Variants in RALB observed in about 807,000 individuals in gnomAD.
RALB encodes ras-related protein Ral-B.
RALB carries 16 observed loss-of-function variants against 21.3 expected under a neutral mutation model. The observed-to-expected ratio is 0.75, with a 90% CI of 0.51 to 1.14. The LOEUF (loss-of-function observed/expected upper bound fraction) is 1.14, where lower values mean the gene tolerates loss of function less well. Ranked by LOEUF, RALB falls within the 50% of genes most tolerant of loss-of-function variation. The pLI is 0.00. For missense variants in RALB, 161 were observed against 256.2 expected (o/e 0.63, Z 2.54); for synonymous variants, 93 against 96.1 (o/e 0.97, Z 0.19).
chr2:120,242,416 A>G (rs1243534991), intron 1 of RALB, among the ~76,000 whole-genome samples: 1 of 152,214 alleles, frequency 6.6e-6, no homozygotes, highest in African/African-American at 2.4e-5. Flanking sequence ...ATTTTACCAC[A>G]ATTAAAAATA....
At chr2:120,244,146 CT>C (rs1260688059) in intron 1 of RALB, among the ~76,000 whole-genome samples, 1 of 152,208 alleles carries the variant, frequency 6.6e-6, no homozygotes, top group Non-Finnish European at 1.5e-5. Context: ...TGAAAACTCA[CT>C]ATCATGAGAA....
At chr2:120,289,321 T>C (rs1210102197) in intron 3 of RALB, among the ~76,000 whole-genome samples, 1 of 152,054 alleles carries the variant, frequency 6.6e-6, no homozygotes, top group East Asian at 1.9e-4. Context: ...GACACTTCTG[T>C]AAGACTGAGC....
At chr2:120,252,040 G>T (rs961851891), upstream of RALB, among the ~76,000 whole-genome samples, 2 of 152,156 alleles carry the variant, frequency 1.3e-5, no homozygotes, top group African/African-American at 4.8e-5. Context: ...CCCTCCCTTA[G>T]AGATAAGAGG....
intron 1 of RALB, among the ~76,000 whole-genome samples, chr2:120,242,794 G>A (rs1000113281): frequency 2.4e-4 from 37 of 152,020 alleles, no homozygotes; most frequent in African/African-American, 7.7e-4. Flanking sequence ...AAAATAAAGT[G>A]GCCTGGTGTA....
At chr2:120,247,871 T>C (rs371650541), upstream of RALB, among the ~76,000 whole-genome samples, 172 of 152,336 alleles carry the variant, frequency 1.1e-3, no homozygotes, top group African/African-American at 3.9e-3. Flanking sequence ...TTAAAGATCT[T>C]AGGTCCTCCT....
chr2:120,278,569 C>T, intron 1 of RALB, 49 bp from the exon 2 acceptor site: 1 of 1,374,476 alleles, frequency 7.3e-7, no homozygotes, highest in South Asian at 1.6e-5. Context: ...TTGGTTTTAG[C>T]TAGGTTGAAA....
intron 1 of RALB, among the ~76,000 whole-genome samples, chr2:120,271,518 C>G (rs910066341): frequency 7.9e-5 from 12 of 152,196 alleles, no homozygotes; most frequent in African/African-American, 2.9e-4. Flanking sequence ...CCTGTTTTCT[C>G]TAGAATCAAA....
intron 3 of RALB, among the ~76,000 whole-genome samples, chr2:120,289,324 G>C (rs1224484358): frequency 6.6e-6 from 1 of 151,192 alleles, no homozygotes; most frequent in Non-Finnish European, 1.5e-5. Context: ...ACTTCTGTAA[G>C]ACTGAGCCCA....
At chr2:120,247,545 G>A (rs183923128) in intron 1 of RALB, among the ~76,000 whole-genome samples, 4 of 152,190 alleles carry the variant, frequency 2.6e-5, no homozygotes, top group Non-Finnish European at 4.4e-5. Flanking sequence ...TTAGGGAAAA[G>A]TGGTTTTTAA....
At chr2:120,278,425 C>A (rs562233144) in intron 1 of RALB, among the ~76,000 whole-genome samples, 193 bp from the exon 2 acceptor site, 128 of 152,312 alleles carry the variant, frequency 8.4e-4, no homozygotes, top group Non-Finnish European at 2.5e-4. Flanking sequence ...GCCTTGGCTT[C>A]GCCCCAGCTG....
At chr2:120,281,642 T>C (rs1346771110) in intron 2 of RALB, among the ~76,000 whole-genome samples, 1 of 152,062 alleles carries the variant, frequency 6.6e-6, no homozygotes, top group African/African-American at 2.4e-5. Flanking sequence ...TTCTGGGGGG[T>C]CAAACTGGAT....
rs542781199 is a variant in RALB, at chr2:120,278,473, C to T, written c.-47-145C>T. On this transcript the variant is annotated intron_variant, in intron 1 of 4. Transcript: ENST00000272519. Reference sequence around the variant, plus strand: ...TGACTTCCAGAGTTGTTGGAGGGCTCGCATGTCTGCCCTGAGCCTGAAAGG... The same window carrying T: ...TGACTTCCAGAGTTGTTGGAGGGCTTGCATGTCTGCCCTGAGCCTGAAAGG... 1.6e-5 allele frequency: 12 copies of T among 751,308 alleles called. No individual in the cohort carries two copies. In the South Asian group the frequency reaches 2.9e-4, roughly 18 times the overall value. 46.5% of individuals were successfully genotyped at this position (751,308 alleles called of 1,614,324 possible).
chr2:120,258,808 C>T (rs538423489), intron 1 of RALB, among the ~76,000 whole-genome samples: 16 of 152,324 alleles, frequency 1.1e-4, no homozygotes, highest in South Asian at 2.1e-4. Flanking sequence ...CGGATACTAG[C>T]GTGTCCGGAA....
intron 1 of RALB, among the ~76,000 whole-genome samples, chr2:120,258,663 C>T (rs1049180957): frequency 6.6e-6 from 1 of 152,020 alleles, no homozygotes; most frequent in African/African-American, 2.4e-5. Flanking sequence ...TGAATGGTGG[C>T]AGAGAAGATG....
Position 120,269,398 on chromosome 2 carries a change from G to A in RALB, c.-47-9220G>A, listed in dbSNP as rs190105923. The stretch of plus-strand genomic sequence containing the variant: ...AGTGAAAGAACAAAGCTTCCACAGC[G>A]TGGAAGGTGACCTGAGCAGGTTGCT... On this transcript the variant is annotated intron_variant, in intron 1 of 4. Coordinates refer to ENST00000272519, the MANE Select transcript of RALB (RefSeq NM_002881.3). Among the ~76,000 whole-genome samples, 25 of 152,290 alleles carry A rather than the reference G, an allele frequency of 1.6e-4. No individual in the cohort carries two copies. In the East Asian group the frequency reaches 1.7e-3, roughly 11 times the overall value.
intron 1 of RALB, among the ~76,000 whole-genome samples, chr2:120,265,131 C>T (rs979353756): frequency 1.3e-5 from 2 of 152,126 alleles, no homozygotes; most frequent in Admixed American, 6.6e-5. Flanking sequence ...TTAATGACAC[C>T]TATGTTCTGA....
chr2:120,241,855 T>C (rs1175158110), intron 1 of RALB, among the ~76,000 whole-genome samples: 1 of 152,148 alleles, frequency 6.6e-6, no homozygotes, highest in Non-Finnish European at 1.5e-5. Context: ...TGGAAAACAA[T>C]ATGATGGTTC....
intron 3 of RALB, among the ~76,000 whole-genome samples, chr2:120,286,834 A>G (rs1027986829): frequency 2.0e-5 from 3 of 152,212 alleles, no homozygotes; most frequent in Non-Finnish European, 4.4e-5. Flanking sequence ...AAATATGGCA[A>G]CTATTCTCCA....
At chr2:120,278,812 G>A (rs750183838) in intron 2 of RALB, 34 bp downstream of exon 2, 58 of 1,472,536 alleles carry the variant, frequency 3.9e-5, no homozygotes, top group Non-Finnish European at 5.1e-5. Flanking sequence ...ACCTTCCTTT[G>A]GCATTGGCCG....
Sources: allele counts gnomAD v4.1 joint callset (sites outside exome capture counted in the v4.1 genomes callset), GRCh38; gene constraint gnomAD v4.1.1; transcripts MANE v1.5; gene names NCBI Gene and HGNC (gene_info 2026-07-23, HGNC 2026-07-21).